The following OPCML variants were observed in gnomAD, a reference collection of about 807,000 sequenced individuals.
The protein encoded by OPCML is opioid binding protein/cell adhesion molecule like.
OPCML carries 13 observed loss-of-function variants against 37.8 expected under a neutral mutation model. That is an observed-to-expected ratio of 0.34 (90% CI 0.22 to 0.55). OPCML has a LOEUF of 0.55. Among genes scored for constraint, OPCML ranks in the 20% least tolerant of loss-of-function variants. The pLI, the probability that OPCML is intolerant of heterozygous loss-of-function variation, is 0.91. For missense variants in OPCML, 341 were observed against 435.6 expected (o/e 0.78, Z 1.93); for synonymous variants, 176 against 168.8 (o/e 1.04, Z -0.33).
At chr11:133,202,756 C>T (rs907035161) in intron 1 of OPCML, among the ~76,000 whole-genome samples, 2 of 152,252 alleles carry the variant, frequency 1.3e-5, no homozygotes, top group Non-Finnish European at 2.9e-5. Flanking sequence ...GGCTCTGCCA[C>T]ACCAGCCAAG....
intron 1 of OPCML, among the ~76,000 whole-genome samples, chr11:133,137,047 AG>A: frequency 6.6e-6 from 1 of 152,194 alleles, no homozygotes; most frequent in Non-Finnish European, 1.5e-5. Flanking sequence ...AAAGGCCAAA[AG>A]GACCATTAAC....
chr11:132,978,402 G>C (rs895083413), intron 1 of OPCML, among the ~76,000 whole-genome samples: 2 of 152,156 alleles, frequency 1.3e-5, no homozygotes, highest in Non-Finnish European at 2.9e-5. Flanking sequence ...GCCAATCAAG[G>C]TATCTTCTCC....
At position 132,467,885 on chromosome 11, in the gene OPCML, C is replaced by T. The variant is rs995372488; in HGVS notation, c.506-30526G>A. ...CACTATTCAAGCTGCATTCAAAAGC[C>T]AGGAGAGCTGACAACTCCAGGGCAA... is the stretch of plus-strand genomic sequence containing the variant. On this transcript the variant is annotated intron_variant, in intron 4 of 7. Coordinates refer to ENST00000524381, the MANE Select transcript of OPCML (RefSeq NM_001012393.5). 4.6e-5 allele frequency among the ~76,000 whole-genome samples: 7 copies of T among 152,144 alleles called. No homozygotes were observed. In the East Asian group the frequency reaches 1.2e-3, roughly 25 times the overall value.
intron 1 of OPCML, among the ~76,000 whole-genome samples, chr11:133,331,754 C>T (rs1309022710): frequency 6.6e-6 from 1 of 152,080 alleles, no homozygotes; most frequent in Non-Finnish European, 1.5e-5. Flanking sequence ...TATCCTTCTA[C>T]CTTTCCATTA....
chr11:133,293,018 G>A (rs987175819), intron 1 of OPCML, among the ~76,000 whole-genome samples: 1 of 152,198 alleles, frequency 6.6e-6, no homozygotes, highest in Non-Finnish European at 1.5e-5. Flanking sequence ...CCCATGGCAA[G>A]GTGCTCCATA....
chr11:133,139,308 G>C (rs1211136272), intron 1 of OPCML, among the ~76,000 whole-genome samples: 1 of 152,124 alleles, frequency 6.6e-6, no homozygotes, highest in East Asian at 1.9e-4. Flanking sequence ...AGGGCTTACT[G>C]TGCACCAGAA....
chr11:133,043,807 C>T (rs1305223850), intron 1 of OPCML, among the ~76,000 whole-genome samples: 1 of 152,176 alleles, frequency 6.6e-6, no homozygotes, highest in African/African-American at 2.4e-5. Context: ...AGATAGATCT[C>T]AAATAATTGC....
chr11:133,188,002 G>A (rs1318186011), intron 1 of OPCML, among the ~76,000 whole-genome samples: 1 of 152,186 alleles, frequency 6.6e-6, no homozygotes, highest in Non-Finnish European at 1.5e-5. Flanking sequence ...GCAGCTCTGG[G>A]TGACAACAAA....
intron 1 of OPCML, among the ~76,000 whole-genome samples, chr11:132,976,754 C>T (rs1485151862): frequency 1.3e-5 from 2 of 152,044 alleles, no homozygotes; most frequent in African/African-American, 4.8e-5. Context: ...TTCAGCTACT[C>T]TTCTCGGTTT....
intron 7 of OPCML, chr11:132,420,527 AG>A (rs1397810321): frequency 5.3e-6 from 2 of 378,974 alleles, no homozygotes; most frequent in Non-Finnish European, 7.3e-6. Flanking sequence ...AAAAGTAAAT[AG>A]GTGAAGCTCA....
intron 4 of OPCML, among the ~76,000 whole-genome samples, chr11:132,437,714 C>T (rs1163288609): frequency 1.3e-5 from 2 of 152,124 alleles, no homozygotes; most frequent in Admixed American, 1.3e-4. Flanking sequence ...AAAGAACTGT[C>T]ATGATCAATA....
At chr11:133,253,336 A>C (rs1360689327) in intron 1 of OPCML, among the ~76,000 whole-genome samples, 1 of 151,914 alleles carries the variant, frequency 6.6e-6, no homozygotes, top group Non-Finnish European at 1.5e-5. Flanking sequence ...TTAAGACAGA[A>C]TCTTGCTCTG....
At chr11:133,062,045 CA>C (rs1368084723) in intron 1 of OPCML, among the ~76,000 whole-genome samples, 1 of 152,192 alleles carries the variant, frequency 6.6e-6, no homozygotes, top group Non-Finnish European at 1.5e-5. Flanking sequence ...GGTGTAAAGA[CA>C]CCTTTCCTAG....
At chr11:133,394,880 G>T (rs1359513080) in intron 1 of OPCML, among the ~76,000 whole-genome samples, 2 of 152,190 alleles carry the variant, frequency 1.3e-5, no homozygotes, top group African/African-American at 2.4e-5. Context: ...TTTCTTTGGA[G>T]TATATACCCA....
chr11:133,488,525 A>G (rs1947582169), intron 1 of OPCML, among the ~76,000 whole-genome samples: 1 of 152,168 alleles, frequency 6.6e-6, no homozygotes, highest in Non-Finnish European at 1.5e-5. Context: ...AAAATAAAAT[A>G]TCTAGGAATA....
intron 1 of OPCML, among the ~76,000 whole-genome samples, chr11:132,953,173 C>T (rs1230350155): frequency 6.6e-6 from 1 of 152,072 alleles, no homozygotes. Flanking sequence ...TTGCAAGGTC[C>T]CCGAGAACAG....
chr11:133,014,414 G>A (rs748693807), intron 1 of OPCML, among the ~76,000 whole-genome samples: 1 of 152,006 alleles, frequency 6.6e-6, no homozygotes, highest in South Asian at 2.1e-4. Context: ...TCTCCCCTAC[G>A]GTTGCAAGAT....
At chr11:133,140,796 A>AGAAGACGACGACGAC (rs1565467979) in intron 1 of OPCML, among the ~76,000 whole-genome samples, 7 of 142,654 alleles carry the variant, frequency 4.9e-5, no homozygotes, top group African/African-American at 1.8e-4. Context: ...ACGAAGAAGA[A>AGAAGACGACGACGAC]GAAGAAGAAG....
chr11:133,227,121 C>G (rs1009695755), intron 1 of OPCML, among the ~76,000 whole-genome samples: 2 of 152,158 alleles, frequency 1.3e-5, no homozygotes, highest in Admixed American at 6.5e-5. Flanking sequence ...CCCTGCACAC[C>G]CTCTGTGCTG....
Sources: allele counts gnomAD v4.1 joint callset (sites outside exome capture counted in the v4.1 genomes callset), GRCh38; gene constraint gnomAD v4.1.1; transcripts MANE v1.5; gene names NCBI Gene and HGNC (gene_info 2026-07-23, HGNC 2026-07-21).